The following ROCK2 variants were observed in gnomAD, a reference collection of about 807,000 sequenced individuals.
ROCK2 encodes the protein rho-associated protein kinase 2.
A neutral mutation model predicts 195.1 loss-of-function variants in ROCK2; 61 were observed. The observed-to-expected ratio is 0.31, with a 90% CI of 0.25 to 0.39. The LOEUF is 0.39. Ranked by LOEUF, ROCK2 falls within the 10% of genes least tolerant of loss-of-function variation. The pLI is 1.00. For missense variants in ROCK2, 1,109 were observed against 1,637.4 expected (o/e 0.68, Z 5.57); for synonymous variants, 504 against 545.5 (o/e 0.92, Z 1.06).
At chr2:11,257,144 T>C (rs1558333586) in intron 3 of ROCK2, among the ~76,000 whole-genome samples, 1 of 151,486 alleles carries the variant, frequency 6.6e-6, no homozygotes, top group East Asian at 1.9e-4. Flanking sequence ...ATTTGGGAGG[T>C]TAGCCTAGGC....
chr2:11,282,046 T>C (rs1438491063), intron 3 of ROCK2, among the ~76,000 whole-genome samples: 7 of 152,088 alleles, frequency 4.6e-5, no homozygotes, highest in Admixed American at 4.6e-4. Flanking sequence ...AGACCCAGAA[T>C]AGCCAACAAA....
chr2:11,269,731 C>CT (rs1018511314), intron 3 of ROCK2, among the ~76,000 whole-genome samples: 28 of 152,112 alleles, frequency 1.8e-4, no homozygotes, highest in African/African-American at 6.5e-4. Context: ...AGAATCCTCT[C>CT]TCTCCCCATC....
chr2:11,186,083 TTACTC>T (rs1442635165), intron 32 of ROCK2, among the ~76,000 whole-genome samples: 14 of 152,310 alleles, frequency 9.2e-5, no homozygotes, highest in African/African-American at 3.1e-4. Flanking sequence ...TAATGGATGA[TTACTC>T]TAATTTAAAA....
At chr2:11,219,861 CTT>C (rs11437412) in intron 9 of ROCK2, among the ~76,000 whole-genome samples, 22 of 134,670 alleles carry the variant, frequency 1.6e-4, no homozygotes, top group Admixed American at 3.0e-4. Context: ...CCAAAACTCA[CTT>C]TTTTTTTTTT....
intron 18 of ROCK2, among the ~76,000 whole-genome samples, chr2:11,210,590 C>G (rs561785493): frequency 2.6e-4 from 40 of 152,304 alleles, no homozygotes; most frequent in Middle Eastern, 6.8e-3. Flanking sequence ...ATCCTCCCAC[C>G]CTGGCCTCCC....
At position 11,214,551 on chromosome 2, in the gene ROCK2, T is replaced by C; in HGVS notation, c.1937-88A>G. 3 of 775,920 alleles carry C rather than the reference T, an allele frequency of 3.9e-6. No individual in the cohort carries two copies. In the South Asian group the frequency reaches 5.2e-5, roughly 13 times the overall value. 48.1% of individuals were successfully genotyped at this position (775,920 alleles called of 1,614,324 possible). A position where few individuals can be genotyped will look rare whatever the true frequency, so the allele number is the denominator to read the frequency against. ...TAAAAAGTTTGCAAGCCACCTTCTA[T>C]TTTGGAGCTGTTGTTTGTGAGCAGA... On this transcript the variant is annotated intron_variant, in intron 16 of 32. Coordinates refer to ENST00000315872, the MANE Select transcript of ROCK2 (RefSeq NM_004850.5).
chr2:11,340,252 C>T (rs564731812), intron 1 of ROCK2, among the ~76,000 whole-genome samples: 11 of 152,268 alleles, frequency 7.2e-5, no homozygotes, highest in African/African-American at 2.6e-4. Context: ...CATTCATATT[C>T]CTCCAGCAAA....
At chr2:11,314,176 A>G (rs1270060147) in intron 1 of ROCK2, among the ~76,000 whole-genome samples, 1 of 151,962 alleles carries the variant, frequency 6.6e-6, no homozygotes, top group East Asian at 1.9e-4. Flanking sequence ...GATACCAGAA[A>G]AACTATTTGC....
At chr2:11,291,850 C>G (rs1028346228) in intron 1 of ROCK2, among the ~76,000 whole-genome samples, 1 of 152,036 alleles carries the variant, frequency 6.6e-6, no homozygotes, top group Non-Finnish European at 1.5e-5. Flanking sequence ...TCCTGGGATG[C>G]ATCAATATTA....
intron 32 of ROCK2, among the ~76,000 whole-genome samples, chr2:11,188,420 T>C (rs1459550110): frequency 6.6e-6 from 1 of 151,928 alleles, no homozygotes; most frequent in Non-Finnish European, 1.5e-5. Context: ...CAGACTGGTA[T>C]ATTTTTATCT....
intron 1 of ROCK2, among the ~76,000 whole-genome samples, chr2:11,316,319 TA>T (rs559794328): frequency 1.3e-5 from 2 of 152,324 alleles, no homozygotes; most frequent in South Asian, 4.1e-4. Flanking sequence ...TTACTAATTT[TA>T]AATGTTTTTC....
At chr2:11,296,130 A>C (rs1392178791) in intron 1 of ROCK2, among the ~76,000 whole-genome samples, 1 of 150,588 alleles carries the variant, frequency 6.6e-6, no homozygotes, top group Non-Finnish European at 1.5e-5. Flanking sequence ...TGGAGGAACA[A>C]CTTTTCCTAT....
intron 1 of ROCK2, among the ~76,000 whole-genome samples, chr2:11,329,692 C>T (rs1191399900): frequency 1.4e-5 from 1 of 73,876 alleles, no homozygotes; most frequent in Non-Finnish European, 3.6e-5. Flanking sequence ...ACAGCCTCCC[C>T]ATTTTTACAA....
chr2:11,278,171 T>C (rs906327918), intron 3 of ROCK2, among the ~76,000 whole-genome samples: 1 of 152,212 alleles, frequency 6.6e-6, no homozygotes. Flanking sequence ...GTACCATAAA[T>C]CTCTTTAACT....
chr2:11,282,629 G>T, intron 3 of ROCK2, among the ~76,000 whole-genome samples: 1 of 94,820 alleles, frequency 1.1e-5, no homozygotes, highest in South Asian at 2.9e-4. Context: ...AAAGAATCAA[G>T]ACCAGACCTT....
At chr2:11,311,767 G>GCA (rs72036284) in intron 1 of ROCK2, among the ~76,000 whole-genome samples, 2,181 of 150,262 alleles carry the variant, frequency 0.015, 21 homozygotes, top group African/African-American at 0.039. Flanking sequence ...ACACGCGCGT[G>GCA]CACACACACA....
chr2:11,229,539 A>T (rs923036348), intron 5 of ROCK2, among the ~76,000 whole-genome samples: 12 of 151,714 alleles, frequency 7.9e-5, no homozygotes. Context: ...CTATCTCCTA[A>T]AACCAGAGGA....
intron 3 of ROCK2, among the ~76,000 whole-genome samples, chr2:11,273,792 A>G (rs1666730266): frequency 6.6e-6 from 1 of 152,072 alleles, no homozygotes; most frequent in Non-Finnish European, 1.5e-5. Flanking sequence ...TCCAACCACA[A>G]TGGGATGAAG....
intron 1 of ROCK2, among the ~76,000 whole-genome samples, chr2:11,336,068 T>C (rs755747119): frequency 1.3e-5 from 2 of 152,236 alleles, no homozygotes; most frequent in Admixed American, 6.5e-5. Flanking sequence ...AGGAAGGAGA[T>C]TGTAGATAAG....
Sources: allele counts gnomAD v4.1 joint callset (sites outside exome capture counted in the v4.1 genomes callset), GRCh38; gene constraint gnomAD v4.1.1; transcripts MANE v1.5; gene names NCBI Gene and HGNC (gene_info 2026-07-23, HGNC 2026-07-21).